UBR1: variants seen among roughly 807,000 people sequenced by gnomAD.
UBR1 encodes ubiquitin protein ligase E3 component n-recognin 1, also known as E3 ubiquitin-protein ligase UBR1.
A neutral mutation model predicts 242.1 loss-of-function variants in UBR1; 102 were observed. The observed-to-expected ratio is 0.42, with a 90% CI of 0.36 to 0.50. UBR1 has a LOEUF of 0.50. Ranked by LOEUF, UBR1 falls within the 20% of genes least tolerant of loss-of-function variation. UBR1 has a pLI of 0.01. For missense variants in UBR1, 1,772 were observed against 2,101.8 expected (o/e 0.84, Z 3.07); for synonymous variants, 675 against 684.8 (o/e 0.99, Z 0.22).
At chr15:43,097,536 T>G (rs963781795) in intron 1 of UBR1, among the ~76,000 whole-genome samples, 1 of 152,274 alleles carries the variant, frequency 6.6e-6, no homozygotes, top group African/African-American at 2.4e-5. Flanking sequence ...TTCGTTTACA[T>G]GGAAAATCTG....
chr15:43,082,598 G>T (rs2083136476), intron 3 of UBR1, 40 bp downstream of exon 3: 1 of 1,556,344 alleles, frequency 6.4e-7, no homozygotes, highest in South Asian at 1.1e-5. Flanking sequence ...ATGGCCATCA[G>T]ATTCCTGCTT....
At chr15:42,957,501 T>C (rs957233366) in intron 44 of UBR1, among the ~76,000 whole-genome samples, 8 of 152,174 alleles carry the variant, frequency 5.3e-5, no homozygotes, top group African/African-American at 1.9e-4. Context: ...GTTCATTGCA[T>C]GTTATGTGGA....
intron 6 of UBR1, among the ~76,000 whole-genome samples, chr15:43,066,906 G>A (rs938281065): frequency 6.6e-6 from 1 of 152,150 alleles, no homozygotes; most frequent in African/African-American, 2.4e-5. Flanking sequence ...GTACAGGCAT[G>A]AGCCACAGCA....
chr15:43,045,054 T>G (rs1018644342), intron 14 of UBR1, among the ~76,000 whole-genome samples: 2 of 152,282 alleles, frequency 1.3e-5, no homozygotes, highest in Admixed American at 1.3e-4. Flanking sequence ...GGCTCTGAGA[T>G]TTCCCATATG....
In UBR1 at chr15:43,026,717, T is replaced by C. The variant is rs748731348; in HGVS notation, c.2433-54A>G. ...TGCAGTGTTCTTGAAGTATAAAATATAGACAAAATAAAAACCTAAAAATTA... is the reference window on the plus strand; with the variant it reads ...TGCAGTGTTCTTGAAGTATAAAATACAGACAAAATAAAAACCTAAAAATTA... On this transcript the variant is annotated intron_variant, in intron 22 of 46. Transcript: ENST00000290650. 34 of 1,459,360 alleles carry C rather than the reference T, an allele frequency of 2.3e-5. 1 individual carries two copies. Among genetic ancestry groups the C allele is most frequent in the East Asian group, 9.1e-5 (4 of 43,888 alleles). 90.4% of individuals were successfully genotyped at this position (1,459,360 alleles called of 1,614,324 possible). A position where few individuals can be genotyped will look rare whatever the true frequency, so the allele number is the denominator to read the frequency against.
intron 3 of UBR1, among the ~76,000 whole-genome samples, chr15:43,075,616 G>C (rs1467910775): frequency 6.6e-6 from 1 of 150,904 alleles, no homozygotes; most frequent in Non-Finnish European, 1.5e-5. Context: ...TGAGTGATAA[G>C]ATTTTTTTTT....
At chr15:43,087,134 G>A (rs973967300) in intron 1 of UBR1, among the ~76,000 whole-genome samples, 2 of 152,122 alleles carry the variant, frequency 1.3e-5, no homozygotes, top group African/African-American at 2.4e-5. Flanking sequence ...GGCCGGGCGC[G>A]GTGGCTCACA....
At chr15:43,012,455 A>G (rs2032937837) in intron 29 of UBR1, among the ~76,000 whole-genome samples, 1 of 152,222 alleles carries the variant, frequency 6.6e-6, no homozygotes, top group Non-Finnish European at 1.5e-5. Context: ...GTGGAGAAAG[A>G]TCAGTAATGC....
chr15:43,080,175 A>G (rs769783398), intron 3 of UBR1, among the ~76,000 whole-genome samples: 12 of 152,282 alleles, frequency 7.9e-5, no homozygotes, highest in Non-Finnish European at 1.8e-4. Flanking sequence ...AAAAGTGAAT[A>G]AGCATGGCTT....
intron 37 of UBR1, among the ~76,000 whole-genome samples, chr15:42,983,613 C>T (rs1205231105): frequency 6.0e-5 from 9 of 150,376 alleles, no homozygotes; most frequent in Non-Finnish European, 3.0e-5. Context: ...TGCAGTGAGC[C>T]GAGATTGCGC....
Position 43,059,095 on chromosome 15 carries a change from C to T in UBR1, c.1083G>A (p.Lys361=). ...CAAATGTCTACTTACCTTTATAAAG[C>T]TTTGCATCCCAAAGCATTAACCTGC... The part of the protein sequence containing the change: ...LISRLMLWDA[K]LYKGARKILH... The change falls in exon 9 of 47, where the codon AAG becomes AAA. Residue 361 remains lysine, a synonymous_variant. Transcript: ENST00000290650. The T allele has an allele frequency of 6.2e-7, 1 of 1,614,016 alleles. No individual in the cohort carries two copies. Among genetic ancestry groups the T allele is most frequent in the Non-Finnish European group, 8.5e-7 (1 of 1,179,890 alleles).
At chr15:42,961,112 CTTT>C (rs1308464766) in intron 42 of UBR1, among the ~76,000 whole-genome samples, 3 of 141,230 alleles carry the variant, frequency 2.1e-5, no homozygotes, top group Non-Finnish European at 3.1e-5. Context: ...TATGTTCCCC[CTTT>C]TTTTTTTTTT....
intron 37 of UBR1, among the ~76,000 whole-genome samples, chr15:42,978,724 TTTC>T (rs1434585959): frequency 6.1e-5 from 9 of 148,572 alleles, no homozygotes; most frequent in Non-Finnish European, 1.2e-4. Context: ...TTTCTTTTCT[TTTC>T]TTTTCTTTTT....
intron 30 of UBR1, 38 bp from the exon 31 acceptor site, chr15:43,003,968 A>G: frequency 1.3e-6 from 2 of 1,572,816 alleles, no homozygotes; most frequent in African/African-American, 1.3e-5. Flanking sequence ...AAAGAGAGAC[A>G]GGTTATCAGG....
chr15:42,947,147 GA>G (rs2031751839), intron 46 of UBR1, among the ~76,000 whole-genome samples: 1 of 150,596 alleles, frequency 6.6e-6, no homozygotes, highest in Non-Finnish European at 1.5e-5. Context: ...AAAAAACAAA[GA>G]AAAAAAAAGT....
In UBR1 at chr15:43,067,945, A is replaced by G. The variant is rs1348809716; in HGVS notation, c.751T>C (p.Cys251Arg). Residue 251 changes from cysteine to arginine, a missense_variant, in exon 6 of 47, where the codon TGT becomes CGT. Physicochemically the swap from Cys to Arg is radical, Grantham distance 180. Coordinates refer to ENST00000290650, the MANE Select transcript of UBR1 (RefSeq NM_174916.3). ...VIYSLQRALD[C>R]ELAEAQLHTT... ...TGCAACTGGGCCTCTGCGAGCTCAC[A>G]GTCAAGAGCTCTTTGTAGGCTGTAT... 1.2e-6 allele frequency: 2 copies of G among 1,613,870 alleles called. No homozygotes were observed. Among genetic ancestry groups the G allele is most frequent in the Non-Finnish European group, 8.5e-7 (1 of 1,179,990 alleles).
At chr15:43,067,105 C>T (rs982231052) in intron 6 of UBR1, among the ~76,000 whole-genome samples, 7 of 152,124 alleles carry the variant, frequency 4.6e-5, no homozygotes, top group Non-Finnish European at 1.0e-4. Flanking sequence ...GAGTATCAGT[C>T]TCAAAGAGTT....
At chr15:43,005,721 G>C (rs562053929) in intron 30 of UBR1, among the ~76,000 whole-genome samples, 2 of 152,142 alleles carry the variant, frequency 1.3e-5, no homozygotes, top group South Asian at 4.1e-4. Flanking sequence ...AGACATGGGA[G>C]ACTCCATTTT....
intron 45 of UBR1, chr15:42,950,687 T>A (rs2031820062): frequency 2.9e-6 from 1 of 343,238 alleles, no homozygotes. Context: ...TTGTTTCTAT[T>A]CTAATTCCTG....
Sources: allele counts gnomAD v4.1 joint callset (sites outside exome capture counted in the v4.1 genomes callset), GRCh38; gene constraint gnomAD v4.1.1; transcripts MANE v1.5; gene names NCBI Gene and HGNC (gene_info 2026-07-23, HGNC 2026-07-21).